The following HSPA14 variants were observed in gnomAD, a reference collection of about 807,000 sequenced individuals.
HSPA14 encodes the protein heat shock 70 kDa protein 14.
HSPA14 carries 37 observed loss-of-function variants against 65.5 expected under a neutral mutation model. That is an observed-to-expected ratio of 0.56 (90% CI 0.43 to 0.74). The LOEUF is 0.74. Among genes scored for constraint, HSPA14 ranks in the 30% least tolerant of loss-of-function variants. The pLI is 0.00. For synonymous variants in HSPA14, 203 were observed against 214.2 expected (o/e 0.95, Z 0.46); for missense variants, 564 against 607.6 (o/e 0.93, Z 0.75).
chr10:14,870,560 A>T (rs751999314), intron 12 of HSPA14, 37 bp from the exon 13 acceptor site: 2 of 1,560,972 alleles, frequency 1.3e-6, no homozygotes, highest in Admixed American at 1.9e-5. Context: ...TTATGTAAAG[A>T]TGCTGAATTC....
intron 3 of HSPA14, chr10:14,845,841 C>T (rs367568046): frequency 2.7e-5 from 6 of 225,942 alleles, no homozygotes; most frequent in South Asian, 1.6e-4. Context: ...AGATTACAGG[C>T]GTGAGCCACC....
At chr10:14,860,769 C>T (rs1832744604) in intron 10 of HSPA14, among the ~76,000 whole-genome samples, 1 of 152,038 alleles carries the variant, frequency 6.6e-6, no homozygotes, top group Non-Finnish European at 1.5e-5. Context: ...ATGTAGGGGT[C>T]TGGATTTGGG....
chr10:14,860,866 A>G (rs1355442505), intron 10 of HSPA14, among the ~76,000 whole-genome samples: 1 of 152,200 alleles, frequency 6.6e-6, no homozygotes, highest in Non-Finnish European at 1.5e-5. Context: ...TGGGGGAAGC[A>G]GAGCCACAAT....
intron 3 of HSPA14, chr10:14,845,337 G>A: frequency 2.0e-6 from 2 of 985,376 alleles, no homozygotes; most frequent in Non-Finnish European, 2.4e-6. Flanking sequence ...TGTTGGGGGA[G>A]GTTTTATTTT....
intron 3 of HSPA14, chr10:14,845,424 A>G: frequency 1.0e-6 from 1 of 985,268 alleles, no homozygotes; most frequent in Non-Finnish European, 1.2e-6. Context: ...CAGCAGTGGG[A>G]GCGTACCCAG....
chr10:14,850,740 C>T (rs1301630012), intron 6 of HSPA14: 1 of 152,202 alleles, frequency 6.6e-6, no homozygotes, highest in Non-Finnish European at 1.5e-5. Flanking sequence ...ACTGTTTAAG[C>T]CACACTGTAT....
chr10:14,838,825 G>A (rs563583647), intron 1 of HSPA14, among the ~76,000 whole-genome samples: 1 of 152,186 alleles, frequency 6.6e-6, no homozygotes, highest in South Asian at 2.1e-4. Flanking sequence ...GCGGGGCTGC[G>A]AGCATTTTGG....
At position 14,848,905 on chromosome 10, in the gene HSPA14, A is replaced by G; in HGVS notation, c.376+10A>G. On this transcript the variant is annotated intron_variant, in intron 5 of 13. Transcript: ENST00000378372. The stretch of plus-strand genomic sequence containing the variant: ...TTTAGTAAAATGAAAGGTATTTAGC[A>G]AAAGATATATAATAGTTACCTTTAA... 1 of 1,336,500 alleles carries G rather than the reference A, an allele frequency of 7.5e-7. No homozygotes were observed. The highest frequency in any genetic ancestry group is 1.3e-5 in the South Asian group (1 of 79,574). 82.8% of individuals were successfully genotyped at this position (1,336,500 alleles called of 1,614,324 possible). A position where few individuals can be genotyped will look rare whatever the true frequency, so the allele number is the denominator to read the frequency against.
At chr10:14,867,622 T>C (rs1832818728) in intron 11 of HSPA14, 114 bp from the exon 12 acceptor site, 1 of 868,734 alleles carries the variant, frequency 1.2e-6, no homozygotes, top group African/African-American at 1.7e-5. Flanking sequence ...TTTCTTCTCT[T>C]TGCCTAGTGT....
chr10:14,856,081 T>C, intron 10 of HSPA14, 138 bp downstream of exon 10: 1 of 621,452 alleles, frequency 1.6e-6, no homozygotes, highest in South Asian at 1.9e-5. Flanking sequence ...AAGGAAAAAT[T>C]GATGAAATTT....
At chr10:14,852,136 A>G (rs1319303270) in intron 7 of HSPA14, among the ~76,000 whole-genome samples, 1 of 152,202 alleles carries the variant, frequency 6.6e-6, no homozygotes, top group Non-Finnish European at 1.5e-5. Context: ...CTCCTTACTC[A>G]GAAGAATACA....
intron 10 of HSPA14, among the ~76,000 whole-genome samples, chr10:14,861,883 G>A (rs528467786): frequency 1.4e-3 from 216 of 151,662 alleles, no homozygotes; most frequent in African/African-American, 4.9e-3. Flanking sequence ...GTGATGGTGC[G>A]CGCCTGTAGT....
chr10:14,848,728 T>C (rs1319262595), intron 4 of HSPA14, 62 bp from the exon 5 acceptor site: 1 of 1,446,570 alleles, frequency 6.9e-7, no homozygotes, highest in African/African-American at 1.4e-5. Flanking sequence ...GGAATGTTGA[T>C]TTGAAACTTT....
Position 14,838,367 on chromosome 10 carries a change from C to A in HSPA14, c.-36C>A. 1.9e-6 allele frequency: 3 copies of A among 1,576,254 alleles called. No individual in the cohort carries two copies. Among genetic ancestry groups the A allele is most frequent in the South Asian group, 2.3e-5 (2 of 86,672 alleles). On this transcript the variant is annotated 5_prime_UTR_variant, in exon 1 of 14. Transcript: ENST00000378372. ...GCCGGTAGCTGTTGCTGTTGGGGGA[C>A]CCCCTCATTCCTGCCGCTGCCGTCC...
chr10:14,842,276 C>T lies in HSPA14; in HGVS notation c.221+2119C>T. ...CCAGAAGCTGCCTAGCCCTCCTTTC[C>T]AACCCACAATGGCCAGTGCCAATAG... On this transcript the variant is annotated intron_variant, in intron 3 of 13. Transcript: ENST00000378372. This position sits in a 1 kb window ranked among gnomAD's most constrained non-coding sequence, Gnocchi z 5.2. 2 of 1,534,942 alleles carry T rather than the reference C, an allele frequency of 1.3e-6. No individual in the cohort carries two copies. Among genetic ancestry groups the T allele is most frequent in the Non-Finnish European group, 1.7e-6 (2 of 1,145,958 alleles).
chr10:14,863,902 G>A (rs1443951021), intron 10 of HSPA14, among the ~76,000 whole-genome samples: 1 of 152,120 alleles, frequency 6.6e-6, no homozygotes, highest in Non-Finnish European at 1.5e-5. Flanking sequence ...GTTGTCATGA[G>A]AAGAAAGCTG....
intron 6 of HSPA14, among the ~76,000 whole-genome samples, chr10:14,850,187 G>T (rs1053326217): frequency 6.6e-6 from 1 of 151,126 alleles, no homozygotes; most frequent in Non-Finnish European, 1.5e-5. Context: ...CATAAGAATC[G>T]CCTGAACCCA....
intron 13 of HSPA14, among the ~76,000 whole-genome samples, chr10:14,871,043 A>C (rs1462224189): frequency 6.6e-6 from 1 of 152,182 alleles, no homozygotes; most frequent in Non-Finnish European, 1.5e-5. Context: ...TAAGAAAAAA[A>C]TGTACTAATT....
At chr10:14,840,224 TGAAAA>T in intron 3 of HSPA14, 67 bp downstream of exon 3, 4 of 794,702 alleles carry the variant, frequency 5.0e-6, no homozygotes, top group Non-Finnish European at 7.4e-6. Flanking sequence ...AAGCATAATG[TGAAAA>T]GAAATTAGAA....
Sources: gnomAD v4.1 joint callset for allele counts (sites outside exome capture counted in the v4.1 genomes callset) on GRCh38, gnomAD v4.1.1 for gene constraint, Gnocchi (gnomAD v3.1) non-coding constraint, MANE v1.5 for transcripts, NCBI Gene and HGNC (gene_info 2026-07-23, HGNC 2026-07-21) for gene names.